SEMA3A: variants seen among roughly 807,000 people sequenced by gnomAD.
The protein encoded by SEMA3A is semaphorin-3A.
Under a neutral mutation model 97.9 loss-of-function variants are expected in SEMA3A, and 29 were observed. The observed-to-expected ratio is 0.30, with a 90% CI of 0.22 to 0.40. The LOEUF (loss-of-function observed/expected upper bound fraction) is 0.40. Among genes scored for constraint, SEMA3A ranks in the 10% least tolerant of loss-of-function variants. The pLI is 1.00. For missense variants in SEMA3A, 763 were observed against 951.3 expected, an observed-to-expected ratio of 0.80 and a Z score of 2.60; for synonymous variants, 321 against 323.7, an observed-to-expected ratio of 0.99 and a Z score of 0.09.
intron 1 of SEMA3A, among the ~76,000 whole-genome samples, chr7:84,390,429 A>T (rs1041405580): frequency 1.3e-5 from 2 of 151,352 alleles, no homozygotes; most frequent in African/African-American, 4.8e-5. Context: ...CCCCTTTACT[A>T]TGATAAATAA....
At chr7:84,411,126 TGTATCTTAGAAACATCAATGGAGAG>T (rs1013609510) in intron 1 of SEMA3A, among the ~76,000 whole-genome samples, 1 of 152,092 alleles carries the variant, frequency 6.6e-6, no homozygotes, top group Non-Finnish European at 1.5e-5. Flanking sequence ...TCCAGCTAAC[TGTATCTTAGAAACATCAATGGAGAG>T]GTAGAGAGAT....
chr7:83,977,788 C>CTTTTTTTTTTTTTTTTTTT (rs139682272), intron 14 of SEMA3A, among the ~76,000 whole-genome samples: 8 of 141,040 alleles, frequency 5.7e-5, no homozygotes, highest in Non-Finnish European at 9.1e-5. Flanking sequence ...TCAACCTATC[C>CTTTTTTTTTTTTTTTTTTT]TTTTTTTTTT....
chr7:84,016,112 T>C (rs530986117), intron 6 of SEMA3A, among the ~76,000 whole-genome samples: 15 of 152,194 alleles, frequency 9.9e-5, no homozygotes, highest in African/African-American at 3.4e-4. Flanking sequence ...GTATGTATTC[T>C]TATGATGGGT....
intron 1 of SEMA3A, among the ~76,000 whole-genome samples, chr7:84,393,449 G>A (rs939090730): frequency 1.2e-4 from 18 of 152,060 alleles, no homozygotes; most frequent in African/African-American, 4.3e-4. Context: ...AAACTATAGT[G>A]AAAAGCAATA....
At chr7:84,256,098 A>C (rs1401062839) in intron 3 of SEMA3A, among the ~76,000 whole-genome samples, 1 of 152,094 alleles carries the variant, frequency 6.6e-6, no homozygotes, top group African/African-American at 2.4e-5. Context: ...GTGCATTTAC[A>C]GTCCCATACC....
At chr7:84,190,081 G>A (rs766215665) in intron 1 of SEMA3A, among the ~76,000 whole-genome samples, 5 of 151,670 alleles carry the variant, frequency 3.3e-5, no homozygotes, top group Non-Finnish European at 5.9e-5. Context: ...CATTATTAAA[G>A]CTGGTGAGTT....
At chr7:84,108,880 G>C (rs956450716) in intron 4 of SEMA3A, among the ~76,000 whole-genome samples, 2 of 148,596 alleles carry the variant, frequency 1.3e-5, no homozygotes, top group Non-Finnish European at 3.0e-5. Flanking sequence ...ACTCCAGCCT[G>C]GGCAACAGAG....
intron 3 of SEMA3A, among the ~76,000 whole-genome samples, chr7:84,215,568 C>T (rs7808861): frequency 0.075 from 11,395 of 152,220 alleles, 1,462 homozygotes; most frequent in African/African-American, 0.26. Flanking sequence ...TTCCTGTCCC[C>T]TAGCTCTATT....
chr7:84,345,172 T>C (rs1227318097), intron 2 of SEMA3A, among the ~76,000 whole-genome samples: 1 of 152,196 alleles, frequency 6.6e-6, no homozygotes. Flanking sequence ...TACACTATAC[T>C]GTAGTCTATT....
intron 2 of SEMA3A, among the ~76,000 whole-genome samples, chr7:84,319,862 T>A (rs533784865): frequency 2.6e-5 from 4 of 152,324 alleles, no homozygotes; most frequent in African/African-American, 9.6e-5. Flanking sequence ...TCAATATTTT[T>A]ATAATTTTCA....
intron 3 of SEMA3A, among the ~76,000 whole-genome samples, chr7:84,258,610 T>C (rs1253038106): frequency 6.6e-6 from 1 of 152,210 alleles, no homozygotes; most frequent in Non-Finnish European, 1.5e-5. Flanking sequence ...CATTTTTTGA[T>C]ATCTGAGAGT....
intron 1 of SEMA3A, among the ~76,000 whole-genome samples, chr7:84,445,668 A>G (rs1373960045): frequency 6.6e-6 from 1 of 151,698 alleles, no homozygotes; most frequent in Non-Finnish European, 1.5e-5. Flanking sequence ...AAATACTTAG[A>G]GATTAAACCA....
intron 5 of SEMA3A, among the ~76,000 whole-genome samples, chr7:84,051,695 C>T (rs1462087152): frequency 6.6e-6 from 1 of 152,004 alleles, no homozygotes; most frequent in Admixed American, 6.6e-5. Flanking sequence ...AATTGAATAC[C>T]CTTTATTTCT....
chr7:84,207,388 C>T (rs977913216), intron 3 of SEMA3A, among the ~76,000 whole-genome samples: 1 of 152,114 alleles, frequency 6.6e-6, no homozygotes, highest in African/African-American at 2.4e-5. Flanking sequence ...AGAACTCTGC[C>T]CATTCTATCA....
At chr7:84,426,391 G>C (rs929968416) in intron 1 of SEMA3A, among the ~76,000 whole-genome samples, 4 of 152,002 alleles carry the variant, frequency 2.6e-5, no homozygotes, top group Non-Finnish European at 5.9e-5. Context: ...CTAAGTATTT[G>C]TTGACTGATA....
rs372954028 is a variant in SEMA3A, at chr7:84,440,173, T to C, written c.-246+52287A>G. Among the ~76,000 whole-genome samples the C allele has an allele frequency of 7.0e-4, 107 of 152,340 alleles. 1 individual carries two copies. The highest frequency in any genetic ancestry group is 2.4e-3 in the African/African-American group (98 of 41,590). On this transcript the variant is annotated intron_variant, in intron 1 of 3. Transcript: ENST00000424555. The stretch of plus-strand genomic sequence containing the variant: ...TACCTAGACAACAATTACAATGGCA[T>C]AATCTGTCAGATGTAACTATTTTTG...
rs67659986 is a variant in SEMA3A at position 84,488,317 on chromosome 7, TACACACACAC to T, written c.-246+4133_-246+4142del. Among the ~76,000 whole-genome samples, 48 of 145,766 alleles carry T rather than the reference TACACACACAC, an allele frequency of 3.3e-4. 1 individual carries two copies. The highest frequency in any genetic ancestry group is 1.1e-3 in the African/African-American group (44 of 39,224). On this transcript the variant is annotated intron_variant, in intron 1 of 3. Coordinates refer to the SEMA3A transcript ENST00000424555. The stretch of plus-strand genomic sequence containing the variant: ...TTTTCCAGCTATGTTTCTTCGTATA[TACACACACAC>T]ACACACACACACACACACACACATA...
At position 84,226,348 on chromosome 7, in the gene SEMA3A, T is replaced by C. The variant is rs928653784; in HGVS notation, c.-82-31680A>G. On this transcript the variant is annotated intron_variant, in intron 3 of 3. Transcript: ENST00000424555. ...TCTTTAAATGTACAAGTAGAACCCA[T>C]AAAGCTTTACAAAAACTAAAAAAAC... Among the ~76,000 whole-genome samples the C allele has an allele frequency of 1.1e-4, 17 of 151,938 alleles. No individual in the cohort carries two copies. In the South Asian group the frequency reaches 2.9e-3, roughly 26 times the overall value.
At chr7:84,199,773 C>T (rs964342746), upstream of SEMA3A, among the ~76,000 whole-genome samples, 7 of 151,890 alleles carry the variant, frequency 4.6e-5, no homozygotes, top group Admixed American at 6.5e-5. Flanking sequence ...ATTCTTTAGA[C>T]GATCAGAAGA....
Sources: allele counts gnomAD v4.1 joint callset (sites outside exome capture counted in the v4.1 genomes callset), GRCh38; gene constraint gnomAD v4.1.1; transcripts MANE v1.5; gene names NCBI Gene and HGNC (gene_info 2026-07-23, HGNC 2026-07-21).